The following GAP43 variants were observed in gnomAD, a reference collection of about 807,000 sequenced individuals.
GAP43 encodes growth associated protein 43.
Under a neutral mutation model 18.6 loss-of-function variants are expected in GAP43, and 6 were observed. The ratio of observed to expected loss-of-function variants is 0.32; its 90% CI spans 0.18 to 0.64. The LOEUF (loss-of-function observed/expected upper bound fraction) is 0.64, where lower values mean the gene tolerates loss of function less well. Among genes scored for constraint, GAP43 ranks in the 30% least tolerant of loss-of-function variants. GAP43 has a pLI of 0.78. For synonymous variants in GAP43, 115 were observed against 111.4 expected, an observed-to-expected ratio of 1.03 and a Z score of -0.20; for missense variants, 292 against 295.5, an observed-to-expected ratio of 0.99 and a Z score of 0.09.
intron 2 of GAP43, among the ~76,000 whole-genome samples, chr3:115,720,124 T>G (rs184024588): frequency 6.6e-6 from 1 of 152,154 alleles, no homozygotes; most frequent in African/African-American, 2.4e-5. Context: ...AGTGGTACAG[T>G]CACTCAGTGA....
intron 2 of GAP43, among the ~76,000 whole-genome samples, chr3:115,709,757 T>G (rs1709410244): frequency 6.6e-6 from 1 of 152,048 alleles, no homozygotes; most frequent in Non-Finnish European, 1.5e-5. Context: ...GGATAATCAG[T>G]CATATTGTAA....
intron 1 of GAP43, among the ~76,000 whole-genome samples, chr3:115,646,172 C>T (rs547171879): frequency 6.6e-6 from 1 of 152,090 alleles, no homozygotes; most frequent in Non-Finnish European, 1.5e-5. Context: ...GTAAGTCAGC[C>T]TTAGATAAAC....
intron 2 of GAP43, among the ~76,000 whole-genome samples, chr3:115,695,255 G>T (rs991710480): frequency 1.3e-5 from 2 of 152,144 alleles, no homozygotes; most frequent in East Asian, 1.9e-4. Flanking sequence ...CTGGGAAATG[G>T]AATGTGACAC....
At chr3:115,675,924 A>G (rs977099467) in intron 1 of GAP43, 89 bp from the exon 2 acceptor site, 11 of 1,514,902 alleles carry the variant, frequency 7.3e-6, no homozygotes, top group Non-Finnish European at 3.5e-6. Context: ...CACAAAATAA[A>G]TCACTTAATA....
intron 1 of GAP43, among the ~76,000 whole-genome samples, chr3:115,669,997 ATT>A (rs200282076): frequency 8.1e-6 from 1 of 123,508 alleles, no homozygotes; most frequent in Non-Finnish European, 1.7e-5. Flanking sequence ...TTTTTTTTTA[ATT>A]TTTTTTTTTA....
intron 2 of GAP43, among the ~76,000 whole-genome samples, chr3:115,682,541 A>G (rs1053316417): frequency 6.6e-6 from 1 of 152,126 alleles, no homozygotes; most frequent in Non-Finnish European, 1.5e-5. Flanking sequence ...AAGAGCAATC[A>G]TTAACTCTTT....
intron 1 of GAP43, 136 bp downstream of exon 1, chr3:115,623,855 TG>T (rs1197872918): frequency 2.4e-6 from 2 of 842,616 alleles, no homozygotes; most frequent in Non-Finnish European, 4.1e-6. Flanking sequence ...TGGTAACTGA[TG>T]GTTGCATCCC....
At chr3:115,695,710 A>ACAAT (rs1709179000) in intron 2 of GAP43, among the ~76,000 whole-genome samples, 2 of 152,000 alleles carry the variant, frequency 1.3e-5, no homozygotes, top group South Asian at 4.1e-4. Flanking sequence ...TTAATCCACA[A>ACAAT]CAATCACATC....
rs894204913 is a variant in GAP43, at chr3:115,721,373, C to T, written c.*491C>T. The T allele has an allele frequency of 2.6e-5, 4 of 152,050 alleles. No individual in the cohort carries two copies. Among genetic ancestry groups the T allele is most frequent in the African/African-American group, 9.7e-5 (4 of 41,382 alleles). 9.4% of individuals were successfully genotyped at this position (152,050 alleles called of 1,614,324 possible). A position where few individuals can be genotyped will look rare whatever the true frequency, so the allele number is the denominator to read the frequency against. The stretch of plus-strand genomic sequence containing the variant: ...ACAAAAAGGAAAAAATTCAAAAAAC[C>T]CAGTTTGTTTTAAAAATAAATAAAT... On this transcript the variant is annotated 3_prime_UTR_variant, in exon 3 of 3. Coordinates refer to ENST00000305124, the MANE Select transcript of GAP43 (RefSeq NM_002045.4).
chr3:115,713,906 T>C (rs1709470275), intron 2 of GAP43, among the ~76,000 whole-genome samples: 1 of 152,230 alleles, frequency 6.6e-6, no homozygotes, highest in Non-Finnish European at 1.5e-5. Context: ...CTTCTGAGAT[T>C]CATTCAAATT....
At chr3:115,692,407 A>G (rs1415609229) in intron 2 of GAP43, among the ~76,000 whole-genome samples, 1 of 152,230 alleles carries the variant, frequency 6.6e-6, no homozygotes, top group African/African-American at 2.4e-5. Context: ...TATAAAAGTG[A>G]ATATCTGTTG....
chr3:115,697,375 T>C (rs1452778299), intron 2 of GAP43, among the ~76,000 whole-genome samples: 2 of 152,196 alleles, frequency 1.3e-5, no homozygotes, highest in Non-Finnish European at 2.9e-5. Context: ...AGGAACTTCC[T>C]CTCCGCCACC....
intron 1 of GAP43, among the ~76,000 whole-genome samples, chr3:115,659,353 A>G (rs1166971593): frequency 2.0e-5 from 3 of 152,164 alleles, no homozygotes; most frequent in Non-Finnish European, 2.9e-5. Context: ...TGCAGGTTCT[A>G]TAGACAATTG....
At chr3:115,700,874 TA>T (rs2061872615) in intron 2 of GAP43, among the ~76,000 whole-genome samples, 1 of 152,192 alleles carries the variant, frequency 6.6e-6, no homozygotes, top group South Asian at 2.1e-4. Context: ...AGTTTATAAT[TA>T]TCTTTACTAC....
intron 1 of GAP43, among the ~76,000 whole-genome samples, chr3:115,669,798 A>G (rs1708788977): frequency 6.6e-6 from 1 of 151,888 alleles, no homozygotes; most frequent in African/African-American, 2.4e-5. Context: ...AAAAGTTAAC[A>G]TTACTACTGC....
At chr3:115,639,590 CAAT>C (rs1307825568) in intron 1 of GAP43, among the ~76,000 whole-genome samples, 1 of 152,026 alleles carries the variant, frequency 6.6e-6, no homozygotes, top group African/African-American at 2.4e-5. Flanking sequence ...AAACTATGTA[CAAT>C]AACGCTTAGT....
At chr3:115,664,360 A>G (rs772319324) in intron 1 of GAP43, among the ~76,000 whole-genome samples, 2 of 152,122 alleles carry the variant, frequency 1.3e-5, no homozygotes, top group Non-Finnish European at 2.9e-5. Flanking sequence ...TATTTACCAT[A>G]TAATTCACTC....
chr3:115,652,686 G>C (rs6794935), intron 1 of GAP43, among the ~76,000 whole-genome samples: 1 of 151,990 alleles, frequency 6.6e-6, no homozygotes, highest in East Asian at 1.9e-4. Flanking sequence ...GCACCCAGCC[G>C]CCTATGCAGT....
intron 1 of GAP43, among the ~76,000 whole-genome samples, chr3:115,638,351 C>T (rs1363402212): frequency 6.6e-6 from 1 of 152,076 alleles, no homozygotes; most frequent in Non-Finnish European, 1.5e-5. Context: ...GTCACCAAGT[C>T]TGTTGGCCTC....
Sources: allele counts gnomAD v4.1 joint callset (sites outside exome capture counted in the v4.1 genomes callset), GRCh38; gene constraint gnomAD v4.1.1; transcripts MANE v1.5; gene names NCBI Gene and HGNC (gene_info 2026-07-23, HGNC 2026-07-21).